The following SOX6 variants were observed in gnomAD, a reference collection of about 807,000 sequenced individuals.
The protein encoded by SOX6 is SRY-box transcription factor 6.
A neutral mutation model predicts 97.8 loss-of-function variants in SOX6; 11 were observed. The ratio of observed to expected loss-of-function variants is 0.11; its 90% CI spans 0.07 to 0.19. SOX6 has a LOEUF of 0.19. Among genes scored for constraint, SOX6 ranks in the 10% least tolerant of loss-of-function variants. The probability of loss-of-function intolerance (pLI) is 1.00; values close to 1 mark genes in which losing one functional copy is unlikely to be tolerated. For missense variants in SOX6, 810 were observed against 1,039.5 expected (o/e 0.78, Z 3.04); for synonymous variants, 360 against 371.4 (o/e 0.97, Z 0.35).
At chr11:16,011,016 T>C (rs1041569048) in intron 13 of SOX6, among the ~76,000 whole-genome samples, 1 of 152,084 alleles carries the variant, frequency 6.6e-6, no homozygotes, top group Non-Finnish European at 1.5e-5. Context: ...CAGAGGTTCT[T>C]GTTTTTAGTC....
intron 4 of SOX6, among the ~76,000 whole-genome samples, chr11:16,498,408 C>T (rs982317889): frequency 6.6e-6 from 1 of 152,016 alleles, no homozygotes; most frequent in African/African-American, 2.4e-5. Context: ...AACTAACAAG[C>T]AAAATAACCA....
rs1292333087 is a variant in SOX6 at position 16,438,703 on chromosome 11, G to A, written c.-5+37612C>T. 2.8e-5 allele frequency among the ~76,000 whole-genome samples: 4 copies of A among 144,572 alleles called. No homozygotes were observed. The East Asian group carries it at 8.1e-4, about 29-fold the overall frequency. 94.8% of individuals were successfully genotyped at this position (144,572 alleles called of 152,430 possible). A position where few individuals can be genotyped will look rare whatever the true frequency, so the allele number is the denominator to read the frequency against. On this transcript the variant is annotated intron_variant, in intron 1 of 15. Transcript: ENST00000396356. Reference sequence around the variant, plus strand: ...GTGATACTCTTTCTACAATATCAGTGAAAAAAAAAAAAGAAGAAAAATAGG... The same window carrying A: ...GTGATACTCTTTCTACAATATCAGTAAAAAAAAAAAAAGAAGAAAAATAGG...
chr11:16,647,151 T>C (rs1047593793), intron 3 of SOX6, among the ~76,000 whole-genome samples: 1 of 152,210 alleles, frequency 6.6e-6, no homozygotes, highest in African/African-American at 2.4e-5. Context: ...GTCAGATGTA[T>C]AGATTGTGAG....
At chr11:16,328,449 T>TTC (rs1390779411) in intron 2 of SOX6, among the ~76,000 whole-genome samples, 2 of 152,190 alleles carry the variant, frequency 1.3e-5, no homozygotes, top group Non-Finnish European at 1.5e-5. Context: ...ACCATGTTAG[T>TTC]GATCAATCTT....
At chr11:16,668,201 C>T (rs1370093120) in intron 3 of SOX6, among the ~76,000 whole-genome samples, 4 of 152,154 alleles carry the variant, frequency 2.6e-5, no homozygotes, top group South Asian at 4.2e-4. Context: ...GGGGAAACCC[C>T]GTCTCCACTA....
intron 1 of SOX6, among the ~76,000 whole-genome samples, chr11:16,343,208 G>A (rs1451426521): frequency 6.6e-6 from 1 of 151,806 alleles, no homozygotes; most frequent in East Asian, 1.9e-4. Flanking sequence ...TCAAGAGCTT[G>A]CCACAAACAA....
At chr11:16,415,048 T>C (rs1000645528) in intron 1 of SOX6, among the ~76,000 whole-genome samples, 1 of 152,170 alleles carries the variant, frequency 6.6e-6, no homozygotes, top group Non-Finnish European at 1.5e-5. Flanking sequence ...GGGCATTATA[T>C]GCAGAAGGTA....
chr11:16,174,285 A>G (rs1851122078), intron 6 of SOX6, among the ~76,000 whole-genome samples: 1 of 151,886 alleles, frequency 6.6e-6, no homozygotes, highest in Non-Finnish European at 1.5e-5. Flanking sequence ...CCAGACTACA[A>G]CCTGACTGAG....
chr11:16,146,474 A>G (rs1850301436), intron 6 of SOX6, among the ~76,000 whole-genome samples: 1 of 152,250 alleles, frequency 6.6e-6, no homozygotes, highest in Non-Finnish European at 1.5e-5. Context: ...ACCAAAAGCA[A>G]TGGCAACAGA....
chr11:16,531,889 A>G (rs905502901), intron 4 of SOX6, among the ~76,000 whole-genome samples: 1 of 151,894 alleles, frequency 6.6e-6, no homozygotes, highest in African/African-American at 2.4e-5. Flanking sequence ...ATTTTGTTTC[A>G]AATATTTTTC....
chr11:16,261,873 G>GA (rs1853909675), intron 3 of SOX6, among the ~76,000 whole-genome samples: 1 of 151,960 alleles, frequency 6.6e-6, no homozygotes, highest in Non-Finnish European at 1.5e-5. Flanking sequence ...TTTTGAAAAG[G>GA]AAAAAATGTT....
chr11:16,721,400 A>G (rs1848260191), intron 2 of SOX6, among the ~76,000 whole-genome samples: 1 of 152,040 alleles, frequency 6.6e-6, no homozygotes, highest in South Asian at 2.1e-4. Flanking sequence ...CAAGGGGGAA[A>G]CTTGAGCGCT....
intron 3 of SOX6, among the ~76,000 whole-genome samples, chr11:16,662,949 C>T (rs981026962): frequency 6.6e-6 from 1 of 151,846 alleles, no homozygotes; most frequent in Non-Finnish European, 1.5e-5. Flanking sequence ...ACCTTGGCCC[C>T]CAAAGTTTTG....
chr11:16,681,209 GT>G lies in SOX6; in HGVS notation n.429+33620del, dbSNP rs537691367. Among the ~76,000 whole-genome samples the G allele has an allele frequency of 7.9e-5, 12 of 152,290 alleles. No homozygotes were observed. The South Asian group carries it at 2.5e-3, about 32-fold the overall frequency. ...TCTAAAATTGACCACGTAATTGGAA[GT>G]AAAACACTTCTTAGCAAATGTAAAA... On this transcript the variant is annotated intron_variant and non_coding_transcript_variant, in intron 3 of 5. Coordinates refer to the SOX6 transcript ENST00000524520.
At position 16,493,633 on chromosome 11, in the gene SOX6, G is replaced by T. The variant is rs75513715; in HGVS notation, n.610-17245C>A. ...GTGCACATTTCTATTTTGTATTTGG[G>T]TATTATATTCTATAATAAAAAGGTT... On this transcript the variant is annotated intron_variant and non_coding_transcript_variant, in intron 4 of 5. Transcript: ENST00000524520. 1.5e-3 allele frequency among the ~76,000 whole-genome samples: 224 copies of T among 152,078 alleles called. 6 individuals are homozygous for T. In the East Asian group the frequency reaches 0.036, roughly 24 times the overall value.
chr11:16,061,845 G>A (rs1847965744), intron 9 of SOX6, among the ~76,000 whole-genome samples: 1 of 151,658 alleles, frequency 6.6e-6, no homozygotes, highest in Admixed American at 6.6e-5. Flanking sequence ...TGCATATGCA[G>A]GAGAATGAGA....
chr11:16,729,303 GAA>G (rs1377585310), intron 2 of SOX6, among the ~76,000 whole-genome samples: 1 of 152,098 alleles, frequency 6.6e-6, no homozygotes, highest in Admixed American at 6.5e-5. Context: ...TGAAATGAAG[GAA>G]AAAATGTTAA....
intron 1 of SOX6, among the ~76,000 whole-genome samples, chr11:16,421,101 C>G (rs1056404341): frequency 6.6e-6 from 1 of 152,262 alleles, no homozygotes; most frequent in South Asian, 2.1e-4. Context: ...CCTCTCAGAA[C>G]TCAACCTGGA....
intron 4 of SOX6, among the ~76,000 whole-genome samples, chr11:16,583,646 C>CAT (rs1848061460): frequency 5.6e-4 from 33 of 58,770 alleles, no homozygotes; most frequent in African/African-American, 2.0e-3. Context: ...TACACATACA[C>CAT]ACACCACATT....
Sources: gnomAD v4.1 joint callset for allele counts (sites outside exome capture counted in the v4.1 genomes callset) on GRCh38, gnomAD v4.1.1 for gene constraint, MANE v1.5 for transcripts, NCBI Gene and HGNC (gene_info 2026-07-23, HGNC 2026-07-21) for gene names.